KCNG3: variants seen among roughly 807,000 people sequenced by gnomAD.
The protein encoded by KCNG3 is potassium voltage-gated channel modifier subfamily G member 3.
KCNG3 carries 15 observed loss-of-function variants against 29.0 expected under a neutral mutation model. The ratio of observed to expected loss-of-function variants is 0.52; its 90% confidence interval spans 0.35 to 0.80. KCNG3 has a LOEUF of 0.80. KCNG3 is among the 30% of genes least tolerant of loss of function. The probability of loss-of-function intolerance (pLI) is 0.01; values close to 1 mark genes in which losing one functional copy is unlikely to be tolerated. For missense variants in KCNG3, 512 were observed against 605.7 expected (o/e 0.85, Z 1.62); for synonymous variants, 322 against 248.9 (o/e 1.29, Z -2.76).
rs1004935610 is a variant in KCNG3, at chr2:42,446,877, A to G, written c.666-2298T>C. Among the ~76,000 whole-genome samples the G allele has an allele frequency of 5.3e-5, 8 of 152,182 alleles. 1 individual carries two copies. The highest frequency in any genetic ancestry group is 5.2e-4 in the Admixed American group (8 of 15,276). ...GGTCTCAGGCCAGGCATGGTGGCTTATACTTGTAATCCCAGCACTTTGGGA... is the reference window on the plus strand; with the variant it reads ...GGTCTCAGGCCAGGCATGGTGGCTTGTACTTGTAATCCCAGCACTTTGGGA... On this transcript the variant is annotated intron_variant, in intron 1 of 1. Coordinates refer to ENST00000306078, the MANE Select transcript of KCNG3 (RefSeq NM_133329.6).
At chr2:42,418,106 C>G in the KCNG3 span, among the ~76,000 whole-genome samples, 1 of 151,776 alleles carries the variant, frequency 6.6e-6, no homozygotes, top group African/African-American at 2.4e-5. Context: ...GTTGTTTAAC[C>G]ATCACCACTA....
the KCNG3 span, among the ~76,000 whole-genome samples, chr2:42,430,007 G>C: frequency 1.3e-5 from 2 of 152,124 alleles, no homozygotes; most frequent in African/African-American, 4.8e-5. Context: ...TAAATACAGA[G>C]AGAAAGATAT....
chr2:42,459,700 G>A (rs1572848712), intron 1 of KCNG3, among the ~76,000 whole-genome samples: 1 of 152,194 alleles, frequency 6.6e-6, no homozygotes, highest in Non-Finnish European at 1.5e-5. Context: ...TTATCGGCCG[G>A]GCGTGGTGGC....
At position 42,453,700 on chromosome 2, in the gene KCNG3, C is replaced by A. The variant is rs182002313; in HGVS notation, c.666-9121G>T. 2.2e-3 allele frequency among the ~76,000 whole-genome samples: 340 copies of A among 152,208 alleles called. 1 individual carries two copies. Among genetic ancestry groups the A allele is most frequent in the Non-Finnish European group, 4.0e-3 (274 of 68,028 alleles). On this transcript the variant is annotated intron_variant, in intron 1 of 1. Transcript: ENST00000306078. ...GATTCTTTCCTTTGCTGTGCAGAAG[C>A]TTCTTAATTGGGTGTGATCCCATTT... is the stretch of plus-strand genomic sequence containing the variant.
chr2:42,402,239 C>G, the KCNG3 span, among the ~76,000 whole-genome samples: 1 of 152,226 alleles, frequency 6.6e-6, no homozygotes, highest in East Asian at 1.9e-4. Context: ...AATTACACCA[C>G]TGGGTTTCTA....
At chr2:42,393,343 T>C in the KCNG3 span, among the ~76,000 whole-genome samples, 1 of 151,544 alleles carries the variant, frequency 6.6e-6, no homozygotes, top group African/African-American at 2.4e-5. Flanking sequence ...GGCAGATCAC[T>C]TGAGGTCAGG....
At chr2:42,423,889 C>T in the KCNG3 span, among the ~76,000 whole-genome samples, 93,801 of 151,712 alleles carry the variant, frequency 0.62, 29,658 homozygotes, top group African/African-American at 0.73. Flanking sequence ...CCATTTTCCA[C>T]ATTGTCTAGT....
At chr2:42,477,195 A>G (rs1373670317) in intron 1 of KCNG3, among the ~76,000 whole-genome samples, 2 of 151,002 alleles carry the variant, frequency 1.3e-5, no homozygotes, top group Non-Finnish European at 2.9e-5. Context: ...CTGTTTCAAA[A>G]AAAAAAAAGA....
At chr2:42,445,870 G>A (rs1388354148) in intron 1 of KCNG3, among the ~76,000 whole-genome samples, 1 of 151,960 alleles carries the variant, frequency 6.6e-6, no homozygotes. Context: ...GGGACTACAG[G>A]CGTCTGCCAC....
At chr2:42,440,305 C>G (rs1672444522), downstream of KCNG3, 1 of 152,124 alleles carries the variant, frequency 6.6e-6, no homozygotes. Context: ...TTCTATGACA[C>G]TATGCATTAA....
At chr2:42,459,431 G>A (rs1424337233) in intron 1 of KCNG3, among the ~76,000 whole-genome samples, 1 of 152,134 alleles carries the variant, frequency 6.6e-6, no homozygotes, top group Non-Finnish European at 1.5e-5. Flanking sequence ...GCACAAAGGA[G>A]GCACGAAATG....
chr2:42,427,827 C>T, the KCNG3 span, among the ~76,000 whole-genome samples: 966 of 152,194 alleles, frequency 6.3e-3, 6 homozygotes, highest in African/African-American at 0.021. Context: ...AAGTTAAAAA[C>T]GGCCTAAAAG....
chr2:42,412,886 TTA>T, the KCNG3 span, among the ~76,000 whole-genome samples: 1 of 152,042 alleles, frequency 6.6e-6, no homozygotes, highest in South Asian at 2.1e-4. Context: ...TTCCATTCCT[TTA>T]TTTTTAATTA....
chr2:42,466,628 A>G (rs1673146631), intron 1 of KCNG3, among the ~76,000 whole-genome samples: 1 of 152,026 alleles, frequency 6.6e-6, no homozygotes, highest in Admixed American at 6.6e-5. Context: ...TCTCCCAAGC[A>G]TCTCCGGTCG....
chr2:42,490,554 CAG>C (rs912767251), intron 1 of KCNG3, among the ~76,000 whole-genome samples: 1 of 152,192 alleles, frequency 6.6e-6, no homozygotes, highest in African/African-American at 2.4e-5. Context: ...ACGGAACTCT[CAG>C]AGATCAATTG....
At chr2:42,460,651 C>A (rs897044179) in intron 1 of KCNG3, among the ~76,000 whole-genome samples, 3 of 152,076 alleles carry the variant, frequency 2.0e-5, no homozygotes, top group Non-Finnish European at 4.4e-5. Context: ...GTGCCAGATA[C>A]CTGATGAAGT....
the KCNG3 span, among the ~76,000 whole-genome samples, chr2:42,417,940 C>T: frequency 6.6e-6 from 1 of 151,206 alleles, no homozygotes; most frequent in Non-Finnish European, 1.5e-5. Flanking sequence ...CCACTGCACT[C>T]CAGCCTGGGT....
chr2:42,468,981 AT>A lies in KCNG3; in HGVS notation c.665+23855del, dbSNP rs1426973367. ...AAAAAAAAAAAAAAAAAAAAAAAAAATGCCAACTCCCTAAATCCATAAATTT... is the reference window on the plus strand; with the variant it reads ...AAAAAAAAAAAAAAAAAAAAAAAAAAGCCAACTCCCTAAATCCATAAATTT... On this transcript the variant is annotated intron_variant, in intron 1 of 1. Coordinates refer to ENST00000306078, the MANE Select transcript of KCNG3 (RefSeq NM_133329.6). Among the ~76,000 whole-genome samples, 69 of 125,622 alleles carry A rather than the reference AT, an allele frequency of 5.5e-4. 1 individual carries two copies. The East Asian group carries it at 0.01, about 19-fold the overall frequency. The allele number at this position is 125,622 out of a possible 152,430, so 82.4% of individuals were successfully genotyped here. A position where few individuals can be genotyped will look rare whatever the true frequency, so the allele number is the denominator to read the frequency against.
At chr2:42,421,624 T>C in the KCNG3 span, among the ~76,000 whole-genome samples, 11 of 152,334 alleles carry the variant, frequency 7.2e-5, no homozygotes, top group South Asian at 1.7e-3. Context: ...TCAGTCAATT[T>C]CTCAGTGTTT....
Sources: gnomAD v4.1 joint callset for allele counts (sites outside exome capture counted in the v4.1 genomes callset) on GRCh38, gnomAD v4.1.1 for gene constraint, MANE v1.5 for transcripts, NCBI Gene and HGNC (gene_info 2026-07-23, HGNC 2026-07-21) for gene names.